DENND4A: variants seen among roughly 807,000 people sequenced by gnomAD.
The protein encoded by DENND4A is DENN domain containing 4A, also known as C-myc promoter-binding protein.
In DENND4A, 70 loss-of-function variants were observed where a neutral mutation model predicts 199.3. That is an observed-to-expected ratio of 0.35 (90% CI 0.29 to 0.43). The LOEUF is 0.43. Among genes scored for constraint, DENND4A ranks in the 20% least tolerant of loss-of-function variants. DENND4A has a pLI of 1.00. For missense variants in DENND4A, 1,723 were observed against 2,255.8 expected, an observed-to-expected ratio of 0.76 and a Z score of 4.78; for synonymous variants, 686 against 766.9, an observed-to-expected ratio of 0.89 and a Z score of 1.74.
chr15:65,738,888 CAATA>C lies in DENND4A; in HGVS notation c.632-17_632-14del, dbSNP rs1230647651. The C allele has an allele frequency of 1.3e-6, 2 of 1,538,758 alleles. No individual in the cohort carries two copies. The highest frequency in any genetic ancestry group is 1.8e-6 in the Non-Finnish European group (2 of 1,139,262). On this transcript the variant is annotated splice_polypyrimidine_tract_variant and intron_variant, in intron 5 of 32. Coordinates refer to ENST00000443035, the MANE Select transcript of DENND4A (RefSeq NM_001320835.1). ...CTACAAATTAGGCCTATAAAAACAA[CAATA>C]AATATTAGGTCATCATCTCTTGAAT...
chr15:65,700,651 A>T lies in DENND4A; in HGVS notation c.2726T>A (p.Val909Asp). ...ACCACTATCCATGCTGCCATGACTA[A>T]CAGCATCCAGGTCACTGCCATCTGC... ...LSADGSDLDA[V>D]SHGSMDSGHG... Residue 909 changes from valine to aspartate, a missense_variant, in exon 20 of 33, where the codon GTT (valine) becomes GAT (aspartate). By Grantham distance (152) the Val-to-Asp change is radical (BLOSUM62 -3). This residue lies in a region of DENND4A where 650 missense variants were observed against 738.1 expected (regional missense o/e 0.88). Transcript: ENST00000443035. 1 of 1,544,266 alleles carries T rather than the reference A, an allele frequency of 6.5e-7. No homozygotes were observed. The highest frequency in any genetic ancestry group is 8.7e-7 in the Non-Finnish European group (1 of 1,144,570).
chr15:65,690,150 A>G (rs1279342862), intron 23 of DENND4A, among the ~76,000 whole-genome samples: 2 of 152,204 alleles, frequency 1.3e-5, no homozygotes, highest in Non-Finnish European at 2.9e-5. Context: ...ACTGAAATTC[A>G]GTAAGTACTT....
At chr15:65,681,578 TG>T (rs1305231679) in intron 23 of DENND4A, among the ~76,000 whole-genome samples, 13 of 140,550 alleles carry the variant, frequency 9.2e-5, no homozygotes, top group African/African-American at 1.4e-4. Context: ...TTCATTTTTT[TG>T]TTTTTTTTTT....
At chr15:65,784,435 T>G (rs1190159820) in intron 1 of DENND4A, among the ~76,000 whole-genome samples, 2 of 149,802 alleles carry the variant, frequency 1.3e-5, no homozygotes, top group African/African-American at 5.0e-5. Flanking sequence ...ACTGGCAACA[T>G]GACGAGACCC....
chr15:65,790,016 G>A (rs144917590), intron 1 of DENND4A, among the ~76,000 whole-genome samples: 115 of 152,194 alleles, frequency 7.6e-4, no homozygotes, highest in African/African-American at 2.6e-3. Context: ...AGCCAAGCAC[G>A]GTGGTGCACG....
intron 14 of DENND4A, among the ~76,000 whole-genome samples, chr15:65,707,293 A>C (rs2142263442): frequency 6.6e-6 from 1 of 152,334 alleles, no homozygotes; most frequent in South Asian, 2.1e-4. Context: ...GATGTTATAC[A>C]TATGACAAAA....
intron 1 of DENND4A, among the ~76,000 whole-genome samples, chr15:65,765,786 C>T (rs1037719278): frequency 6.6e-6 from 1 of 152,156 alleles, no homozygotes; most frequent in Non-Finnish European, 1.5e-5. Flanking sequence ...CAAGATGCAG[C>T]GCACTTCCAT....
intron 24 of DENND4A, among the ~76,000 whole-genome samples, chr15:65,673,637 A>G (rs1448105495): frequency 2.0e-5 from 3 of 152,014 alleles, no homozygotes; most frequent in Non-Finnish European, 2.9e-5. Flanking sequence ...GAGGAAAAAA[A>G]AAAAAAAAAA....
Position 65,664,385 on chromosome 15 carries a change from G to A in DENND4A, c.5532C>T (p.Tyr1844=), listed in dbSNP as rs1326119880. The A allele has an allele frequency of 8.7e-6, 14 of 1,601,614 alleles. No individual in the cohort carries two copies. In the East Asian group the frequency reaches 3.1e-4, roughly 36 times the overall value. ...CAAGTGAGAGAAATAGTATTTCTCTGTATAAACTCCTAGGGAGAAAAAGTC... is the reference window on the plus strand; with the variant it reads ...CAAGTGAGAGAAATAGTATTTCTCTATATAAACTCCTAGGGAGAAAAAGTC... ...CPHFKRQRSL[Y]REILFLSLVA... Residue 1844 remains tyrosine, a synonymous_variant, in exon 32 of 33, where the codon TAC becomes TAT. Coordinates refer to ENST00000443035, the MANE Select transcript of DENND4A (RefSeq NM_001320835.1).
At chr15:65,673,419 T>C (rs1053426910) in intron 24 of DENND4A, among the ~76,000 whole-genome samples, 1 of 151,566 alleles carries the variant, frequency 6.6e-6, no homozygotes, top group Non-Finnish European at 1.5e-5. Flanking sequence ...TGCAGTGAGC[T>C]ATGACTCTGC....
chr15:65,787,896 T>C (rs970710944), intron 1 of DENND4A, among the ~76,000 whole-genome samples: 5 of 152,278 alleles, frequency 3.3e-5, no homozygotes, highest in African/African-American at 1.2e-4. Flanking sequence ...CAAAGACCAT[T>C]GCCTACTGAC....
At chr15:65,676,123 AG>A (rs2076366211) in intron 24 of DENND4A, among the ~76,000 whole-genome samples, 1 of 127,728 alleles carries the variant, frequency 7.8e-6, no homozygotes, top group Non-Finnish European at 1.7e-5. Flanking sequence ...GTAAGAAGAC[AG>A]GGAAGTAATA....
At chr15:65,741,690 G>A in intron 5 of DENND4A, 25 bp downstream of exon 5, 1 of 1,597,560 alleles carries the variant, frequency 6.3e-7, no homozygotes, top group Non-Finnish European at 8.6e-7. Context: ...TATATATGAA[G>A]TATTGCATGA....
chr15:65,741,813 T>A, intron 4 of DENND4A, 29 bp from the exon 5 acceptor site: 1 of 1,565,228 alleles, frequency 6.4e-7, no homozygotes. Context: ...AAATATCATT[T>A]AATTTTTAAA....
intron 14 of DENND4A, among the ~76,000 whole-genome samples, chr15:65,712,226 T>C (rs1346096259): frequency 6.6e-6 from 1 of 152,206 alleles, no homozygotes; most frequent in East Asian, 1.9e-4. Flanking sequence ...TGTTCTAAAT[T>C]GAAGGAAAAG....
At chr15:65,748,772 G>C (rs1596594376) in intron 4 of DENND4A, among the ~76,000 whole-genome samples, 1 of 152,104 alleles carries the variant, frequency 6.6e-6, no homozygotes, top group East Asian at 1.9e-4. Flanking sequence ...GAATGCTGGA[G>C]CTCAGGAGTT....
chr15:65,683,715 T>G (rs2076658179), intron 23 of DENND4A, among the ~76,000 whole-genome samples: 1 of 152,224 alleles, frequency 6.6e-6, no homozygotes, highest in Non-Finnish European at 1.5e-5. Flanking sequence ...AAAATATGCT[T>G]GATTTAAAAG....
At chr15:65,721,934 T>C (rs1291232877) in intron 12 of DENND4A, among the ~76,000 whole-genome samples, 1 of 152,252 alleles carries the variant, frequency 6.6e-6, no homozygotes, top group Admixed American at 6.5e-5. Context: ...TATTCTCATA[T>C]AAGCTTTTTA....
In DENND4A at chr15:65,670,143, C is replaced by T; in HGVS notation, c.4510G>A (p.Val1504Ile). The T allele has an allele frequency of 6.3e-7, 1 of 1,586,730 alleles. No individual in the cohort carries two copies. The highest frequency in any genetic ancestry group is 8.6e-7 in the Non-Finnish European group (1 of 1,165,854). ...CSRCRTCDCL[V>I]HDEEIMAGWT... ...CCAGCCATGATTTCCTCATCATGGA[C>T]AAGACAATCACAAGTTCTACACCGA... Residue 1504 changes from valine to isoleucine, a missense_variant, in exon 26 of 33, where the codon GTC (valine) becomes ATC (isoleucine). Val to Ile is a conservative substitution (Grantham distance 29). Transcript: ENST00000443035.
Sources: gnomAD v4.1 joint callset for allele counts (sites outside exome capture counted in the v4.1 genomes callset) on GRCh38, gnomAD v4.1.1 for gene constraint, gnomAD v4.1.1 regional missense constraint, MANE v1.5 for transcripts, NCBI Gene and HGNC (gene_info 2026-07-23, HGNC 2026-07-21) for gene names.